Variants in OSBPL10 observed in about 807,000 individuals in gnomAD.
OSBPL10 encodes oxysterol-binding protein-related protein 10.
OSBPL10 carries 49 observed loss-of-function variants against 81.7 expected under a neutral mutation model. The ratio of observed to expected loss-of-function variants is 0.60; its 90% CI spans 0.48 to 0.76. The LOEUF (loss-of-function observed/expected upper bound fraction) is 0.76. Ranked by LOEUF, OSBPL10 falls within the 30% of genes least tolerant of loss-of-function variation. The pLI is 0.00. For synonymous variants in OSBPL10, 419 were observed against 383.6 expected (o/e 1.09, Z -1.08); for missense variants, 923 against 987.8 (o/e 0.93, Z 0.88).
Position 31,684,033 on chromosome 3 carries a change from G to C in OSBPL10, c.1327C>G (p.Leu443Val). 6.2e-7 allele frequency: 1 copy of C among 1,614,236 alleles called. No individual in the cohort carries two copies. The highest frequency in any genetic ancestry group is 8.5e-7 in the Non-Finnish European group (1 of 1,180,046). The change falls in exon 8 of 12, where the codon CTG (leucine) becomes GTG (valine). Residue 443 changes from leucine (L) to valine (V), a missense_variant. Leu to Val is a conservative substitution (Grantham distance 32, BLOSUM62 1). Coordinates refer to ENST00000396556, the MANE Select transcript of OSBPL10 (RefSeq NM_017784.5). ...GGTGTGGCCCCAGCGGTGATGGCCA[G>C]CAGTAGGTCTGGGTGCGCCATGAAA... ...ADFMAHPDLL[L>V]AITAGATPEE...
chr3:31,762,630 A>ACTTTTTTTTTTT (rs1698079634), intron 4 of OSBPL10, among the ~76,000 whole-genome samples: 2 of 61,514 alleles, frequency 3.3e-5, no homozygotes, highest in African/African-American at 1.6e-4. Flanking sequence ...CATGCCCAGC[A>ACTTTTTTTTTTT]TTTTTTTTTT....
chr3:32,067,946 G>A (rs1455948795), intron 1 of OSBPL10, among the ~76,000 whole-genome samples: 1 of 152,162 alleles, frequency 6.6e-6, no homozygotes, highest in Admixed American at 6.5e-5. Context: ...CTGAAGACCA[G>A]GGTCAGAGGG....
At chr3:31,863,231 G>A (rs1701100676) in intron 3 of OSBPL10, among the ~76,000 whole-genome samples, 1 of 152,168 alleles carries the variant, frequency 6.6e-6, no homozygotes, top group Non-Finnish European at 1.5e-5. Context: ...CATAGAGACA[G>A]TGGTTAGTGG....
chr3:31,737,585 C>T (rs1339707701), intron 5 of OSBPL10, among the ~76,000 whole-genome samples: 1 of 152,080 alleles, frequency 6.6e-6, no homozygotes, highest in African/African-American at 2.4e-5. Context: ...AAACTGAGAA[C>T]AGGAAATAGT....
chr3:32,020,730 A>C (rs1480690874), intron 2 of OSBPL10, among the ~76,000 whole-genome samples: 5 of 152,004 alleles, frequency 3.3e-5, no homozygotes, highest in African/African-American at 4.8e-5. Context: ...AAAAAAAAGA[A>C]GACCTGGGAT....
At chr3:31,965,610 TATATAAA>T (rs1227191510) in intron 1 of OSBPL10, among the ~76,000 whole-genome samples, 3 of 76,084 alleles carry the variant, frequency 3.9e-5, no homozygotes, top group African/African-American at 5.7e-5. Context: ...TATAATATAT[TATATAAA>T]TTATATATTA....
At chr3:31,733,560 G>T in intron 5 of OSBPL10, 149 bp from the exon 6 acceptor site, 1 of 862,414 alleles carries the variant, frequency 1.2e-6, no homozygotes, top group Non-Finnish European at 1.8e-6. Flanking sequence ...AGTACCAAGT[G>T]CAGATTCTGA....
intron 3 of OSBPL10, among the ~76,000 whole-genome samples, chr3:31,858,944 T>C (rs1401299938): frequency 1.3e-5 from 2 of 152,224 alleles, no homozygotes; most frequent in African/African-American, 2.4e-5. Flanking sequence ...AACAGAAATG[T>C]TGTAGCAGAA....
At chr3:31,905,834 T>TC (rs1310799473) in intron 1 of OSBPL10, among the ~76,000 whole-genome samples, 3 of 149,462 alleles carry the variant, frequency 2.0e-5, no homozygotes, top group Non-Finnish European at 1.5e-5. Flanking sequence ...AATAAAACAT[T>TC]CCCTGACAAA....
intron 1 of OSBPL10, among the ~76,000 whole-genome samples, chr3:31,938,548 G>A (rs1429103031): frequency 7.2e-5 from 11 of 152,132 alleles, no homozygotes; most frequent in Middle Eastern, 3.4e-3. Context: ...CCACTTTGTC[G>A]CCCAGGCTGG....
intron 2 of OSBPL10, among the ~76,000 whole-genome samples, chr3:32,003,195 C>T (rs1201585544): frequency 1.3e-5 from 2 of 152,244 alleles, no homozygotes; most frequent in Non-Finnish European, 2.9e-5. Flanking sequence ...GACTGCGTAA[C>T]ACTTACATCA....
Position 31,980,951 on chromosome 3 carries a change from G to C in OSBPL10, c.229C>G (p.Leu77Val). The C allele has an allele frequency of 6.3e-7, 1 of 1,577,278 alleles. No homozygotes were observed. The highest frequency in any genetic ancestry group is 1.1e-5 in the South Asian group (1 of 87,886). ...GGGGRRREPA[L>V]EGVLSKYTNL... ...GTGTATTTGCTGAGCACGCCCTCGA[G>C]CGCCGGCTCCCTCCTGCGGCCGCCT... is the stretch of plus-strand genomic sequence containing the variant. The change falls in exon 1 of 12, where the codon CTC becomes GTC. Residue 77 changes from leucine (L) to valine (V), a missense_variant. Coordinates refer to ENST00000396556, the MANE Select transcript of OSBPL10 (RefSeq NM_017784.5).
chr3:31,780,209 C>T (rs1231722869), intron 4 of OSBPL10, among the ~76,000 whole-genome samples: 3 of 152,120 alleles, frequency 2.0e-5, no homozygotes, highest in Non-Finnish European at 2.9e-5. Context: ...AGGAGAATGG[C>T]ATGAACCCGG....
intron 2 of OSBPL10, among the ~76,000 whole-genome samples, chr3:32,002,145 C>T (rs556261225): frequency 6.6e-6 from 1 of 152,292 alleles, no homozygotes; most frequent in Non-Finnish European, 1.5e-5. Context: ...ATTACTCACT[C>T]ATTCATTTAC....
intron 1 of OSBPL10, among the ~76,000 whole-genome samples, chr3:31,914,833 C>T (rs1313647147): frequency 5.3e-5 from 8 of 152,340 alleles, no homozygotes; most frequent in African/African-American, 1.9e-4. Flanking sequence ...CATGTGGCTA[C>T]TGGCTACCAT....
At chr3:31,721,028 G>A (rs1696627422) in intron 6 of OSBPL10, among the ~76,000 whole-genome samples, 1 of 152,096 alleles carries the variant, frequency 6.6e-6, no homozygotes, top group African/African-American at 2.4e-5. Flanking sequence ...TAGATTATCT[G>A]GGTAAGCTCT....
chr3:31,680,294 C>T (rs778579021), intron 8 of OSBPL10, among the ~76,000 whole-genome samples: 5 of 152,206 alleles, frequency 3.3e-5, no homozygotes, highest in Admixed American at 6.5e-5. Flanking sequence ...CCCCCTTCCC[C>T]GGCCCACCGC....
chr3:31,993,436 G>A (rs886608988), intron 2 of OSBPL10, among the ~76,000 whole-genome samples: 3 of 151,852 alleles, frequency 2.0e-5, no homozygotes, highest in Non-Finnish European at 4.4e-5. Context: ...TCAAACTCCT[G>A]ACCTCAGGTG....
intron 6 of OSBPL10, among the ~76,000 whole-genome samples, chr3:31,727,532 G>C (rs912911300): frequency 6.6e-6 from 1 of 152,148 alleles, no homozygotes; most frequent in Non-Finnish European, 1.5e-5. Context: ...CTTGATCAAT[G>C]ATATTTCCTA....
Sources: gnomAD v4.1 joint callset for allele counts (sites outside exome capture counted in the v4.1 genomes callset) on GRCh38, gnomAD v4.1.1 for gene constraint, MANE v1.5 for transcripts, NCBI Gene and HGNC (gene_info 2026-07-23, HGNC 2026-07-21) for gene names.